NELL1: variants seen among roughly 807,000 people sequenced by gnomAD.
NELL1 encodes the protein neural EGFL like 1, also known as protein kinase C-binding protein NELL1.
A neutral mutation model predicts 107.4 loss-of-function variants in NELL1; 76 were observed. The observed-to-expected ratio is 0.71, with a 90% CI of 0.59 to 0.86. The LOEUF is 0.86. NELL1 is among the 40% of genes least tolerant of loss of function. NELL1 has a pLI of 0.00. For missense variants in NELL1, 1,024 were observed against 1,005.5 expected (o/e 1.02, Z -0.25); for synonymous variants, 353 against 341.2 (o/e 1.03, Z -0.38).
chr11:21,265,228 T>C (rs898372775), intron 14 of NELL1, among the ~76,000 whole-genome samples: 3 of 152,056 alleles, frequency 2.0e-5, no homozygotes, highest in African/African-American at 7.2e-5. Context: ...GCATGAATAA[T>C]GTGAACTATT....
intron 12 of NELL1, among the ~76,000 whole-genome samples, chr11:21,083,743 T>A (rs1854322357): frequency 6.6e-6 from 1 of 152,190 alleles, no homozygotes; most frequent in Non-Finnish European, 1.5e-5. Context: ...ATTGAAAGTG[T>A]TCATCTGTCA....
intron 15 of NELL1, among the ~76,000 whole-genome samples, chr11:21,373,730 A>G (rs540290052): frequency 1.3e-5 from 2 of 152,174 alleles, no homozygotes; most frequent in East Asian, 3.9e-4. Flanking sequence ...GTAACCTTAA[A>G]CTTTTCATAA....
chr11:20,670,259 G>A (rs1853866905), intron 1 of NELL1, among the ~76,000 whole-genome samples: 1 of 152,218 alleles, frequency 6.6e-6, no homozygotes, highest in Admixed American at 6.5e-5. Flanking sequence ...GGCGCGGTGC[G>A]GCGAGGGCAG....
chr11:21,280,342 C>T (rs1484637710), intron 14 of NELL1, among the ~76,000 whole-genome samples: 1 of 152,162 alleles, frequency 6.6e-6, no homozygotes, highest in African/African-American at 2.4e-5. Context: ...ATTATCTGTG[C>T]AAAAACACAC....
chr11:20,813,006 C>CAAAAAAAAAAA lies in NELL1; in HGVS notation c.335+29207_335+29217dup, dbSNP rs869187456. Among the ~76,000 whole-genome samples the CAAAAAAAAAAA allele has an allele frequency of 3.1e-4, 19 of 61,272 alleles. 1 individual carries two copies. Among genetic ancestry groups the CAAAAAAAAAAA allele is most frequent in the African/African-American group, 1.1e-3 (16 of 14,486 alleles). 40.2% of individuals were successfully genotyped at this position (61,272 alleles called of 152,430 possible). ...CCTGGGCGACAGCGAGACTCCGTCT[C>CAAAAAAAAAAA]AAAAAAAAAAAAAAAAAAAAAAAAA... On this transcript the variant is annotated intron_variant, in intron 3 of 19. Transcript: ENST00000357134.
chr11:21,468,677 A>G, intron 15 of NELL1, among the ~76,000 whole-genome samples: 1 of 152,214 alleles, frequency 6.6e-6, no homozygotes, highest in South Asian at 2.1e-4. Context: ...AGGGATCAAG[A>G]TTGATAAAAT....
At chr11:21,219,893 A>G (rs536161757) in intron 13 of NELL1, among the ~76,000 whole-genome samples, 5 of 152,302 alleles carry the variant, frequency 3.3e-5, no homozygotes, top group South Asian at 2.1e-4. Context: ...TACAGGAAGC[A>G]TGGCTTCAGA....
chr11:20,945,523 G>A (rs1179135855), intron 10 of NELL1, among the ~76,000 whole-genome samples: 1 of 152,222 alleles, frequency 6.6e-6, no homozygotes, highest in African/African-American at 2.4e-5. Context: ...CGCACATAGA[G>A]CTGACAAAAG....
intron 12 of NELL1, among the ~76,000 whole-genome samples, chr11:21,041,561 T>C (rs1399202609): frequency 6.6e-6 from 1 of 152,156 alleles, no homozygotes; most frequent in Admixed American, 6.5e-5. Flanking sequence ...TGTAAGTTGC[T>C]CTGTAAGACC....
intron 13 of NELL1, among the ~76,000 whole-genome samples, chr11:21,150,765 G>T (rs932472161): frequency 6.6e-6 from 1 of 152,124 alleles, no homozygotes; most frequent in African/African-American, 2.4e-5. Context: ...ATTAGGTATT[G>T]TATTAGTTCA....
In NELL1 at chr11:21,261,227, C is replaced by T. The variant is rs1848525038; in HGVS notation, c.1549+31773C>T. Reference sequence around the variant, plus strand: ...TACTTTTATTTCAAGGTCAGGGGTACAAGTGCAGGTTTGTTGCATAGGTAA... The same window carrying T: ...TACTTTTATTTCAAGGTCAGGGGTATAAGTGCAGGTTTGTTGCATAGGTAA... On this transcript the variant is annotated intron_variant, in intron 14 of 19. Transcript: ENST00000357134. 2.0e-5 allele frequency among the ~76,000 whole-genome samples: 3 copies of T among 149,568 alleles called. No homozygotes were observed. In the South Asian group the frequency reaches 6.3e-4, roughly 31 times the overall value.
chr11:20,847,763 T>C lies in NELL1; in HGVS notation c.506+10T>C, dbSNP rs748217167. 1.3e-6 allele frequency: 2 copies of C among 1,598,396 alleles called. No individual in the cohort carries two copies. Among genetic ancestry groups the C allele is most frequent in the Admixed American group, 3.5e-5 (2 of 57,590 alleles). On this transcript the variant is annotated intron_variant, in intron 4 of 19. Coordinates refer to ENST00000357134, the MANE Select transcript of NELL1 (RefSeq NM_006157.5). ...ATGTCGACTGTAACAGGTATTTCTT[T>C]GTCTTTGAGTGTTGCTGATTCTGCC... is the stretch of plus-strand genomic sequence containing the variant.
intron 15 of NELL1, among the ~76,000 whole-genome samples, chr11:21,525,592 T>G (rs1237615246): frequency 6.6e-6 from 1 of 152,198 alleles, no homozygotes; most frequent in Non-Finnish European, 1.5e-5. Context: ...CTGTTTTTGT[T>G]TCTTCTCATG....
At position 21,077,721 on chromosome 11, in the gene NELL1, C is replaced by T. The variant is rs149179884; in HGVS notation, c.1301-35868C>T. On this transcript the variant is annotated intron_variant, in intron 12 of 19. Transcript: ENST00000357134. ...TTGCATCACCGCACTTCAGCCTGGGCGACAGAGTGAGACTCTGTCTCAGGA... is the reference window on the plus strand; with the variant it reads ...TTGCATCACCGCACTTCAGCCTGGGTGACAGAGTGAGACTCTGTCTCAGGA... Among the ~76,000 whole-genome samples, 726 of 146,740 alleles carry T rather than the reference C, an allele frequency of 4.9e-3. 10 individuals carry two copies. The East Asian group carries it at 0.054, about 11-fold the overall frequency.
intron 4 of NELL1, among the ~76,000 whole-genome samples, chr11:20,878,466 A>T (rs1849349187): frequency 6.7e-6 from 1 of 149,456 alleles, no homozygotes; most frequent in African/African-American, 2.4e-5. Flanking sequence ...TCTGTTAGTG[A>T]GTTGTCTGCC....
In NELL1 at chr11:21,188,116, C is replaced by T. The variant is rs535292452; in HGVS notation, c.1427-41216C>T. Among the ~76,000 whole-genome samples, 3 of 151,970 alleles carry T rather than the reference C, an allele frequency of 2.0e-5. No homozygotes were observed. The South Asian group carries it at 6.2e-4, about 31-fold the overall frequency. ...CTGGACTATAAAAAAAGAATTGCAT[C>T]ATCCCTTTGGGGAAGATGAAGGGGA... On this transcript the variant is annotated intron_variant, in intron 13 of 19. Coordinates refer to ENST00000357134, the MANE Select transcript of NELL1 (RefSeq NM_006157.5).
intron 14 of NELL1, among the ~76,000 whole-genome samples, chr11:21,369,939 C>T (rs1228339533): frequency 6.6e-6 from 1 of 152,002 alleles, no homozygotes; most frequent in Non-Finnish European, 1.5e-5. Context: ...TGAGCATCTG[C>T]TATGTGAATA....
chr11:21,456,999 C>T (rs61885939), intron 15 of NELL1, among the ~76,000 whole-genome samples: 36,487 of 151,852 alleles, frequency 0.24, 5,083 homozygotes, highest in African/African-American at 0.38. Context: ...CACACACACA[C>T]ACACCACCCT....
intron 14 of NELL1, among the ~76,000 whole-genome samples, chr11:21,324,919 C>T (rs2133674194): frequency 6.6e-6 from 1 of 152,062 alleles, no homozygotes; most frequent in East Asian, 1.9e-4. Flanking sequence ...GTTTGTGTTT[C>T]CCCTTTCTTC....
Sources: gnomAD v4.1 joint callset for allele counts (sites outside exome capture counted in the v4.1 genomes callset) on GRCh38, gnomAD v4.1.1 for gene constraint, MANE v1.5 for transcripts, NCBI Gene and HGNC (gene_info 2026-07-23, HGNC 2026-07-21) for gene names.